Variants in BPTF observed in about 807,000 individuals in gnomAD.
The protein encoded by BPTF is nucleosome-remodeling factor subunit BPTF.
In BPTF, 18 loss-of-function variants were observed where a neutral mutation model predicts 292.5. That is an observed-to-expected ratio of 0.06 (90% CI 0.04 to 0.09). BPTF has a LOEUF of 0.09. Ranked by LOEUF, BPTF falls within the 10% of genes least tolerant of loss-of-function variation. BPTF has a pLI of 1.00. For missense variants in BPTF, 2,726 were observed against 3,498.7 expected, an observed-to-expected ratio of 0.78 and a Z score of 5.57; for synonymous variants, 1,225 against 1,251.9, an observed-to-expected ratio of 0.98 and a Z score of 0.45.
chr17:67,937,594 T>C (rs2065020084), intron 18 of BPTF, among the ~76,000 whole-genome samples: 1 of 152,018 alleles, frequency 6.6e-6, no homozygotes, highest in African/African-American at 2.4e-5. Flanking sequence ...GAGTCTTTTA[T>C]GAAAAAGAAA....
At chr17:67,832,723 C>T (rs1311308826) in intron 1 of BPTF, among the ~76,000 whole-genome samples, 1 of 151,838 alleles carries the variant, frequency 6.6e-6, no homozygotes, top group Non-Finnish European at 1.5e-5. Context: ...CTGTTCTTCA[C>T]CTCCCTCCTG....
chr17:67,851,093 G>T (rs2058367343), intron 1 of BPTF, among the ~76,000 whole-genome samples: 1 of 152,086 alleles, frequency 6.6e-6, no homozygotes, highest in African/African-American at 2.4e-5. Context: ...AACAGCCTGG[G>T]CTCCAGAGTC....
chr17:67,933,601 T>C (rs2064623944), intron 18 of BPTF, among the ~76,000 whole-genome samples: 2 of 151,932 alleles, frequency 1.3e-5, no homozygotes, highest in African/African-American at 2.4e-5. Flanking sequence ...AAGATTGCAG[T>C]TAAGGTATAA....
At chr17:67,950,413 A>G (rs1486806612) in intron 23 of BPTF, among the ~76,000 whole-genome samples, 13 of 152,218 alleles carry the variant, frequency 8.5e-5, no homozygotes, top group Admixed American at 7.9e-4. Context: ...ATTATTTAGC[A>G]TTTCTGGAAG....
chr17:67,905,678 G>A (rs1490732238), intron 9 of BPTF, among the ~76,000 whole-genome samples: 1 of 152,010 alleles, frequency 6.6e-6, no homozygotes, highest in Non-Finnish European at 1.5e-5. Context: ...TGTTGCACTC[G>A]AGCCTGGATG....
intron 3 of BPTF, among the ~76,000 whole-genome samples, chr17:67,872,703 C>T (rs886200120): frequency 6.6e-6 from 1 of 151,068 alleles, no homozygotes; most frequent in Non-Finnish European, 1.5e-5. Flanking sequence ...GAGATTCTGT[C>T]TCAAAAAAAA....
intron 22 of BPTF, 58 bp downstream of exon 22, chr17:67,947,866 C>T (rs781790358): frequency 3.7e-5 from 54 of 1,474,822 alleles, no homozygotes; most frequent in Non-Finnish European, 3.5e-5. Flanking sequence ...CGTGCACACG[C>T]ACAGAGTTCT....
chr17:67,955,246 C>T (rs765268110), intron 23 of BPTF: 1 of 148,940 alleles, frequency 6.7e-6, no homozygotes, highest in Non-Finnish European at 1.5e-5. Context: ...CCACTGCACT[C>T]CAGCCTGGGC....
intron 26 of BPTF, among the ~76,000 whole-genome samples, chr17:67,970,174 G>A (rs782536000): frequency 5.3e-5 from 8 of 151,580 alleles, no homozygotes; most frequent in East Asian, 3.9e-4. Context: ...TGGAGGTTGC[G>A]GTGAGCTGAG....
chr17:67,952,048 C>T lies in BPTF; in HGVS notation c.7926+3742C>T, dbSNP rs1477903385. 7.4e-5 allele frequency among the ~76,000 whole-genome samples: 5 copies of T among 67,210 alleles called. No homozygotes were observed. The East Asian group carries it at 2.5e-3, about 34-fold the overall frequency. 44.1% of individuals were successfully genotyped at this position (67,210 alleles called of 152,430 possible). A position where few individuals can be genotyped will look rare whatever the true frequency, so the allele number is the denominator to read the frequency against. Reference sequence around the variant, plus strand: ...CCAGCCTGGGCGACAGAGTGAGACTCTGTCTCAAAAAAAAAAAAAAAAAAA... The same window carrying T: ...CCAGCCTGGGCGACAGAGTGAGACTTTGTCTCAAAAAAAAAAAAAAAAAAA... On this transcript the variant is annotated intron_variant, in intron 23 of 27. Transcript: ENST00000306378.
At chr17:67,926,536 G>C (rs1265050746) in intron 15 of BPTF, among the ~76,000 whole-genome samples, 2 of 151,516 alleles carry the variant, frequency 1.3e-5, no homozygotes, top group East Asian at 3.9e-4. Flanking sequence ...GTGTTAGCCA[G>C]GATGGTCTCG....
chr17:67,950,762 C>T (rs1182699847), intron 23 of BPTF: 1 of 151,668 alleles, frequency 6.6e-6, no homozygotes, highest in Admixed American at 6.6e-5. Context: ...ATTGTTTGAA[C>T]CCTAGAGCAG....
At chr17:67,870,832 G>C (rs1054188159) in intron 3 of BPTF, among the ~76,000 whole-genome samples, 3 of 144,898 alleles carry the variant, frequency 2.1e-5, no homozygotes, top group South Asian at 2.3e-4. Context: ...TGCAGTGGCG[G>C]GATCTCGGCT....
chr17:67,968,514 C>A (rs1555688824), intron 26 of BPTF, among the ~76,000 whole-genome samples: 2 of 151,476 alleles, frequency 1.3e-5, no homozygotes, highest in Non-Finnish European at 2.9e-5. Flanking sequence ...TGCGGTGGCT[C>A]ACGCCTGTAA....
chr17:67,901,601 C>G (rs1235988718), intron 7 of BPTF, among the ~76,000 whole-genome samples: 2 of 151,986 alleles, frequency 1.3e-5, no homozygotes, highest in African/African-American at 4.8e-5. Flanking sequence ...ACAAACAAGA[C>G]AAAGGATTTG....
At chr17:67,948,560 A>G (rs1410437253) in intron 23 of BPTF, among the ~76,000 whole-genome samples, 1 of 152,198 alleles carries the variant, frequency 6.6e-6, no homozygotes, top group Non-Finnish European at 1.5e-5. Flanking sequence ...GAATTGTTGA[A>G]AAACTCTGAG....
At chr17:67,896,468 T>C (rs5024717) in intron 7 of BPTF, among the ~76,000 whole-genome samples, 1 of 148,248 alleles carries the variant, frequency 6.7e-6, no homozygotes, top group Non-Finnish European at 1.5e-5. Context: ...AACTAGAAAC[T>C]GTCCCCCCAG....
In BPTF at chr17:67,854,795, A is replaced by G. The variant is rs764445196; in HGVS notation, c.1436+33A>G. The stretch of plus-strand genomic sequence containing the variant: ...AATCTGGTCTTAATTTTTTGTATGC[A>G]TTTAAAATTAGACTAGTTTCCTTCG... On this transcript the variant is annotated intron_variant, in intron 2 of 27. Transcript: ENST00000306378. The surrounding 1 kb of genome is among the most constrained non-coding windows in gnomAD (Gnocchi z 5.6). 2 of 1,502,264 alleles carry G rather than the reference A, an allele frequency of 1.3e-6. No homozygotes were observed. Among genetic ancestry groups the G allele is most frequent in the East Asian group, 2.3e-5 (1 of 43,954 alleles). 93.1% of individuals were successfully genotyped at this position (1,502,264 alleles called of 1,614,324 possible).
At chr17:67,942,504 A>G (rs537493830) in intron 19 of BPTF, among the ~76,000 whole-genome samples, 1 of 152,346 alleles carries the variant, frequency 6.6e-6, no homozygotes, top group South Asian at 2.1e-4. Context: ...TAGAGCAGAA[A>G]GAATTCTCAT....
Sources: allele counts gnomAD v4.1 joint callset (sites outside exome capture counted in the v4.1 genomes callset), GRCh38; gene constraint gnomAD v4.1.1; non-coding constraint Gnocchi (gnomAD v3.1); transcripts MANE v1.5; gene names NCBI Gene and HGNC (gene_info 2026-07-23, HGNC 2026-07-21).